AMOTL2: variants seen among roughly 807,000 people sequenced by gnomAD.
AMOTL2 encodes angiomotin-like protein 2.
Under a neutral mutation model 78.4 loss-of-function variants are expected in AMOTL2, and 33 were observed. That is an observed-to-expected ratio of 0.42 (90% CI 0.32 to 0.56). The LOEUF is 0.56. Among genes scored for constraint, AMOTL2 ranks in the 20% least tolerant of loss-of-function variants. AMOTL2 has a pLI of 0.12. For missense variants in AMOTL2, 983 were observed against 1,030.1 expected, an observed-to-expected ratio of 0.95 and a Z score of 0.63; for synonymous variants, 422 against 428.8, an observed-to-expected ratio of 0.98 and a Z score of 0.20.
chr3:134,374,759 C>T (rs967698677), upstream of AMOTL2: 14 of 997,200 alleles, frequency 1.4e-5, no homozygotes, highest in African/African-American at 1.7e-5. Flanking sequence ...CTGCTGGAGA[C>T]AATTTAATCC....
upstream of AMOTL2, chr3:134,374,492 G>C: frequency 1.0e-6 from 1 of 985,568 alleles, no homozygotes; most frequent in Non-Finnish European, 1.2e-6. Flanking sequence ...GGCCCGCGCC[G>C]GAGGCGGCTG....
At chr3:134,359,592 C>T in intron 7 of AMOTL2, 89 bp from the exon 8 acceptor site, 1 of 968,508 alleles carries the variant, frequency 1.0e-6, no homozygotes, top group Non-Finnish European at 1.5e-6. Context: ...AGAGGAAAAG[C>T]CCCCCCCAAC....
chr3:134,357,648 G>A lies in AMOTL2; in HGVS notation c.*57C>T. ...GACGGGGCTGCTGAAATGGCTGAGA[G>A]TGGCACAGGGCAGAGGAGGGGAGAG... On this transcript the variant is annotated 3_prime_UTR_variant, in exon 10 of 10. Transcript: ENST00000249883. The A allele has an allele frequency of 6.4e-7, 1 of 1,562,820 alleles. No individual in the cohort carries two copies. Among genetic ancestry groups the A allele is most frequent in the Non-Finnish European group, 8.8e-7 (1 of 1,133,538 alleles).
rs774421802 is a variant in AMOTL2, at chr3:134,371,277, C to T, written c.157G>A (p.Ala53Thr). ...AGTGGTGSPQ[A>T]SLEILAPEDS... The stretch of plus-strand genomic sequence containing the variant: ...TCTGGGGCCAGGATCTCCAGGGAGG[C>T]CTGGGGGCTCCCTGTACCCCCAGTT... The change falls in exon 2 of 10, where the codon GCC (alanine) becomes ACC (threonine). Residue 53 changes from alanine to threonine, a missense_variant. Transcript: ENST00000249883. 6.2e-7 allele frequency: 1 copy of T among 1,612,588 alleles called. No homozygotes were observed. Among genetic ancestry groups the T allele is most frequent in the Admixed American group, 1.7e-5 (1 of 60,022 alleles).
intron 1 of AMOTL2, chr3:134,373,746 GGA>G: frequency 1.0e-6 from 1 of 985,428 alleles, no homozygotes; most frequent in Non-Finnish European, 1.2e-6. Context: ...CCCGAGGCCC[GGA>G]GAGGTCTTTA....
chr3:134,374,957 G>A (rs1033903945), upstream of AMOTL2: 11 of 1,375,264 alleles, frequency 8.0e-6, no homozygotes, highest in African/African-American at 1.5e-5. Flanking sequence ...AGGTGGGAAA[G>A]GGAGGAGGGA....
At chr3:134,367,401 T>G (rs767787311) in intron 3 of AMOTL2, 96 bp downstream of exon 3, 603 of 1,433,346 alleles carry the variant, frequency 4.2e-4, no homozygotes, top group Non-Finnish European at 5.1e-4. Flanking sequence ...CAAACAGTTT[T>G]CAGGCTCCTC....
intron 2 of AMOTL2, among the ~76,000 whole-genome samples, chr3:134,369,440 C>T (rs928388060): frequency 1.4e-4 from 22 of 152,182 alleles, no homozygotes; most frequent in Non-Finnish European, 3.2e-4. Context: ...AGTCTACTTC[C>T]TTGCCGTGAT....
chr3:134,369,557 C>A (rs190668943), intron 2 of AMOTL2, among the ~76,000 whole-genome samples: 1 of 152,216 alleles, frequency 6.6e-6, no homozygotes, highest in Non-Finnish European at 1.5e-5. Context: ...CGATAAAGTG[C>A]GAGTCTGGAG....
chr3:134,365,280 G>A (rs2017551913), intron 5 of AMOTL2, among the ~76,000 whole-genome samples: 1 of 152,180 alleles, frequency 6.6e-6, no homozygotes, highest in South Asian at 2.1e-4. Flanking sequence ...ATTCTTCAAG[G>A]ATGCTTAGAC....
chr3:134,359,217 G>A (rs2017225216), intron 8 of AMOTL2, 66 bp downstream of exon 8: 6 of 1,557,510 alleles, frequency 3.9e-6, no homozygotes, highest in Non-Finnish European at 4.4e-6. Flanking sequence ...GGAAAGGTCT[G>A]GCAATCTGTG....
chr3:134,359,979 A>G, intron 7 of AMOTL2, 127 bp downstream of exon 7: 1 of 1,061,000 alleles, frequency 9.4e-7, no homozygotes, highest in Non-Finnish European at 1.3e-6. Context: ...GGTTCAGCTC[A>G]GAAGCAGGAG....
Position 134,367,692 on chromosome 3 carries a change from A to G in AMOTL2, c.846T>C (p.His282=). 6.2e-7 allele frequency: 1 copy of G among 1,613,520 alleles called. No homozygotes were observed. Among genetic ancestry groups the G allele is most frequent in the Non-Finnish European group, 8.5e-7 (1 of 1,180,000 alleles). ...PPPPHPAALG[H]GPLSSLSPPA... is the part of the protein sequence containing the mutation. ...GTGGACTGAGGGAGCTCAGGGGGCCATGGCCGAGAGCAGCTGGATGTGGGG... is the reference window on the plus strand; with the variant it reads ...GTGGACTGAGGGAGCTCAGGGGGCCGTGGCCGAGAGCAGCTGGATGTGGGG... The change falls in exon 3 of 10, where the codon CAT becomes CAC. Residue 282 remains histidine (H), a synonymous_variant. Transcript: ENST00000249883.
chr3:134,375,127 G>A, upstream of AMOTL2: 4 of 1,523,826 alleles, frequency 2.6e-6, no homozygotes, highest in East Asian at 2.5e-5. Context: ...GCTATTTTAC[G>A]ACCGTCTCGA....
chr3:134,368,567 G>A (rs754062490), intron 2 of AMOTL2, among the ~76,000 whole-genome samples: 179 of 152,294 alleles, frequency 1.2e-3, no homozygotes, highest in Non-Finnish European at 1.4e-3. Flanking sequence ...GCATCATGAG[G>A]GTCTCCAGCC....
At chr3:134,365,650 C>A (rs1383787156) in intron 5 of AMOTL2, among the ~76,000 whole-genome samples, 167 bp downstream of exon 5, 1 of 152,254 alleles carries the variant, frequency 6.6e-6, no homozygotes, top group Non-Finnish European at 1.5e-5. Context: ...AGCCACTTAT[C>A]CCCACTATCC....
At position 134,358,681 on chromosome 3, in the gene AMOTL2, GA is replaced by G; in HGVS notation, c.2142del (p.Pro716LeufsTer49). On this transcript the variant is annotated frameshift_variant, in exon 9 of 10. Transcript: ENST00000249883. LOFTEE classifies it high-confidence loss of function. ...RAPTEEPVVTAPPAAHAKHGS... is the reference protein window; with the variant it reads ...RAPTEEPVVTXPPAAHAKHGS... Reference sequence around the variant, plus strand: ...CCGTGTTTGGCATGGGCAGCAGGGGGAGCTGTGACCACTGGCTCCTCTGTGG... The same window carrying G: ...CCGTGTTTGGCATGGGCAGCAGGGGGGCTGTGACCACTGGCTCCTCTGTGG... 6.2e-7 allele frequency: 1 copy of G among 1,614,186 alleles called. No individual in the cohort carries two copies. The highest frequency in any genetic ancestry group is 8.5e-7 in the Non-Finnish European group (1 of 1,180,032).
chr3:134,359,476 C>T lies in AMOTL2; in HGVS notation c.1911G>A (p.Leu637=). The change falls in exon 8 of 10, where the codon CTG becomes CTA. Residue 637 remains leucine (L), a synonymous_variant. Coordinates refer to ENST00000249883, the MANE Select transcript of AMOTL2 (RefSeq NM_016201.4). ...GGACCTTGATCACTGCATCCTTCTC[C>T]AGGATCTGGGCATGGAGCACCTTTA... ...SRLKVLHAQI[L]EKDAVIKVLQ... 6.2e-7 allele frequency: 1 copy of T among 1,613,944 alleles called. No homozygotes were observed. The highest frequency in any genetic ancestry group is 8.5e-7 in the Non-Finnish European group (1 of 1,179,984).
chr3:134,375,319 G>T, upstream of AMOTL2: 1 of 1,330,254 alleles, frequency 7.5e-7, no homozygotes, highest in Non-Finnish European at 1.0e-6. Context: ...GCCCTGCCAA[G>T]CACCCTCCAA....
Sources: allele counts gnomAD v4.1 joint callset (sites outside exome capture counted in the v4.1 genomes callset), GRCh38; gene constraint gnomAD v4.1.1; transcripts MANE v1.5; gene names NCBI Gene and HGNC (gene_info 2026-07-23, HGNC 2026-07-21).